The following NAALADL2 variants were observed in gnomAD, a reference collection of about 807,000 sequenced individuals.
NAALADL2 encodes the protein inactive N-acetylated-alpha-linked acidic dipeptidase-like protein 2.
NAALADL2 carries 76 observed loss-of-function variants against 87.2 expected under a neutral mutation model. The observed-to-expected ratio is 0.87, with a 90% CI of 0.72 to 1.05. NAALADL2 has a LOEUF of 1.05. Among genes scored for constraint, NAALADL2 ranks in the 50% least tolerant of loss-of-function variants. The probability of loss-of-function intolerance (pLI) is 0.00; values close to 1 mark genes in which losing one functional copy is unlikely to be tolerated. For synonymous variants in NAALADL2, 354 were observed against 331.0 expected, an observed-to-expected ratio of 1.07 and a Z score of -0.75; for missense variants, 1,089 against 945.8, an observed-to-expected ratio of 1.15 and a Z score of -1.99.
In NAALADL2 at chr3:175,804,402, T is replaced by C. The variant is rs1163695526; in HGVS notation, c.*1199T>C. The C allele has an allele frequency of 6.6e-6, 1 of 151,862 alleles. No individual in the cohort carries two copies. Among genetic ancestry groups the C allele is most frequent in the Non-Finnish European group, 1.5e-5 (1 of 67,848 alleles). 9.4% of individuals were successfully genotyped at this position (151,862 alleles called of 1,614,324 possible). On this transcript the variant is annotated 3_prime_UTR_variant, in exon 14 of 14. Transcript: ENST00000454872. ...TCAGTTCTTCTCTCATGTGGAAAACTAAGCTTTTTATATTGACATTGCCAT... is the reference window on the plus strand; with the variant it reads ...TCAGTTCTTCTCTCATGTGGAAAACCAAGCTTTTTATATTGACATTGCCAT...
At chr3:175,569,410 TAGTC>T (rs1181873286) in intron 9 of NAALADL2, among the ~76,000 whole-genome samples, 7 of 152,184 alleles carry the variant, frequency 4.6e-5, no homozygotes, top group African/African-American at 1.4e-4. Context: ...GTGCCTATGT[TAGTC>T]AGAGTTCCCC....
At chr3:174,683,856 A>AT (rs1366977848) in intron 2 of NAALADL2, among the ~76,000 whole-genome samples, 1 of 151,994 alleles carries the variant, frequency 6.6e-6, no homozygotes, top group Non-Finnish European at 1.5e-5. Context: ...ATGAGAATCT[A>AT]TTTTTTCAGA....
chr3:175,534,125 T>C (rs983332927), intron 9 of NAALADL2, among the ~76,000 whole-genome samples: 24 of 151,174 alleles, frequency 1.6e-4, no homozygotes, highest in African/African-American at 5.9e-4. Flanking sequence ...GTAGAGTCCT[T>C]AGCATTTTGG....
At chr3:175,356,799 G>A (rs1261411478) in intron 5 of NAALADL2, among the ~76,000 whole-genome samples, 1 of 151,894 alleles carries the variant, frequency 6.6e-6, no homozygotes, top group Admixed American at 6.6e-5. Flanking sequence ...TGACTTTGAG[G>A]ATGCATGATG....
intron 3 of NAALADL2, among the ~76,000 whole-genome samples, chr3:174,821,708 C>G (rs1721442095): frequency 6.6e-6 from 1 of 152,162 alleles, no homozygotes; most frequent in Non-Finnish European, 1.5e-5. Context: ...TGGTGCTTCT[C>G]AGAGCCTTCT....
At chr3:175,699,966 G>A (rs1009927137) in intron 11 of NAALADL2, among the ~76,000 whole-genome samples, 1 of 152,142 alleles carries the variant, frequency 6.6e-6, no homozygotes, top group Non-Finnish European at 1.5e-5. Context: ...TAGAATACCA[G>A]AGATGGTAAA....
chr3:175,508,363 A>T (rs1351690064), intron 9 of NAALADL2, among the ~76,000 whole-genome samples: 1 of 152,132 alleles, frequency 6.6e-6, no homozygotes, highest in African/African-American at 2.4e-5. Flanking sequence ...ACCCCAGGTC[A>T]CCTGAACCTC....
At chr3:175,562,690 A>T (rs62288388) in intron 9 of NAALADL2, among the ~76,000 whole-genome samples, 19,664 of 152,054 alleles carry the variant, frequency 0.13, 1,374 homozygotes, top group Middle Eastern at 0.17. Context: ...TAAAAAATGC[A>T]TGATAGAAAA....
chr3:175,790,999 G>T (rs1752710610), intron 13 of NAALADL2, among the ~76,000 whole-genome samples: 1 of 152,132 alleles, frequency 6.6e-6, no homozygotes, highest in African/African-American at 2.4e-5. Flanking sequence ...TTTCTGTTAG[G>T]GAGCTGGGAA....
intron 5 of NAALADL2, among the ~76,000 whole-genome samples, chr3:175,411,081 G>A (rs146629092): frequency 3.9e-5 from 6 of 152,220 alleles, no homozygotes; most frequent in African/African-American, 1.4e-4. Context: ...AATAAGCTCT[G>A]GACGAGAGTG....
chr3:175,363,297 T>C (rs931696637), intron 5 of NAALADL2, among the ~76,000 whole-genome samples: 1 of 148,090 alleles, frequency 6.8e-6, no homozygotes, highest in Admixed American at 6.9e-5. Flanking sequence ...GTTTTCTTTA[T>C]GTACAATGTC....
chr3:175,474,581 T>C (rs1002133685), intron 9 of NAALADL2, among the ~76,000 whole-genome samples: 1 of 152,194 alleles, frequency 6.6e-6, no homozygotes, highest in Non-Finnish European at 1.5e-5. Flanking sequence ...CATTCTTCAA[T>C]GTACAGCTTG....
intron 10 of NAALADL2, among the ~76,000 whole-genome samples, chr3:175,578,096 G>C (rs1382093493): frequency 6.7e-6 from 1 of 149,474 alleles, no homozygotes; most frequent in African/African-American, 2.4e-5. Flanking sequence ...TGGTTTCTGG[G>C]CTTCTGCTTT....
chr3:175,096,366 G>T (rs1721152788), intron 1 of NAALADL2, among the ~76,000 whole-genome samples: 1 of 151,522 alleles, frequency 6.6e-6, no homozygotes, highest in African/African-American at 2.4e-5. Flanking sequence ...TATTACTTTT[G>T]CCTTTAATTT....
At chr3:174,828,245 G>T (rs1011557073) in intron 3 of NAALADL2, among the ~76,000 whole-genome samples, 6 of 152,072 alleles carry the variant, frequency 3.9e-5, no homozygotes, top group African/African-American at 1.5e-4. Flanking sequence ...TTATAGCACA[G>T]CAGTGGCTCT....
chr3:175,071,528 A>T (rs1203541026), intron 1 of NAALADL2, among the ~76,000 whole-genome samples: 1 of 152,072 alleles, frequency 6.6e-6, no homozygotes, highest in African/African-American at 2.4e-5. Context: ...GGAGAGTATA[A>T]CACATTTGTA....
chr3:175,268,627 C>T (rs1225537534), intron 4 of NAALADL2, among the ~76,000 whole-genome samples: 4 of 152,054 alleles, frequency 2.6e-5, no homozygotes, highest in African/African-American at 7.2e-5. Flanking sequence ...TAGCTTAAAA[C>T]GCATTGCACA....
chr3:175,303,367 A>G (rs1757320070), intron 4 of NAALADL2, among the ~76,000 whole-genome samples: 1 of 152,174 alleles, frequency 6.6e-6, no homozygotes. Flanking sequence ...TAAGTTGTAT[A>G]AAAATCATAT....
intron 1 of NAALADL2, among the ~76,000 whole-genome samples, chr3:175,033,473 T>C (rs1030693758): frequency 1.3e-5 from 2 of 152,104 alleles, no homozygotes; most frequent in Non-Finnish European, 2.9e-5. Context: ...CTAAATTTTA[T>C]CATGTCACAG....
Sources: gnomAD v4.1 joint callset for allele counts (sites outside exome capture counted in the v4.1 genomes callset) on GRCh38, gnomAD v4.1.1 for gene constraint, MANE v1.5 for transcripts, NCBI Gene and HGNC (gene_info 2026-07-23, HGNC 2026-07-21) for gene names.